Variants in MDC1 observed in about 807,000 individuals in gnomAD.
MDC1 encodes the protein mediator of DNA damage checkpoint 1.
MDC1 carries 81 observed loss-of-function variants against 142.5 expected under a neutral mutation model. The observed-to-expected ratio is 0.57, with a 90% CI of 0.47 to 0.68. The LOEUF (loss-of-function observed/expected upper bound fraction) is 0.68. Ranked by LOEUF, MDC1 falls within the 30% of genes least tolerant of loss-of-function variation. MDC1 has a pLI of 0.00. For synonymous variants in MDC1, 797 were observed against 968.4 expected (o/e 0.82, Z 3.29); for missense variants, 2,119 against 2,547.9 (o/e 0.83, Z 3.62).
At position 30,713,056 on chromosome 6, in the gene MDC1, CAGG is replaced by C. The variant is rs746742180; in HGVS notation, c.883_885del (p.Pro295del). ...TCCACATCTGTGTCACTGTCCTCTC[CAGG>C]AGGTTGGCTCCTCTCCAGAATCACC... On this transcript the variant is annotated inframe_deletion, in exon 5 of 15. Transcript: ENST00000376406. This position sits in a 1 kb window ranked among gnomAD's most constrained non-coding sequence, Gnocchi z 4.9. 33 of 1,612,890 alleles carry C rather than the reference CAGG, an allele frequency of 2.0e-5. No individual in the cohort carries two copies. In the African/African-American group the frequency reaches 4.3e-4, roughly 21 times the overall value.
intron 14 of MDC1, among the ~76,000 whole-genome samples, chr6:30,701,123 C>A (rs951604964): frequency 6.6e-6 from 1 of 150,998 alleles, no homozygotes; most frequent in African/African-American, 2.4e-5. Context: ...TTGCTAGAGG[C>A]CAGGCACAGT....
Position 30,713,787 on chromosome 6 carries a change from C to T in MDC1, c.517+16G>A. On this transcript the variant is annotated intron_variant, in intron 3 of 14. Transcript: ENST00000376406. This position sits in a 1 kb window ranked among gnomAD's most constrained non-coding sequence, Gnocchi z 4.9. ...ATTCCTGTCTCCTCATTCTCCCTGC[C>T]AATATACAAACTTACCTACTTCCTC... is the stretch of plus-strand genomic sequence containing the variant. 6.2e-7 allele frequency: 1 copy of T among 1,613,672 alleles called. No individual in the cohort carries two copies. Among genetic ancestry groups the T allele is most frequent in the South Asian group, 1.1e-5 (1 of 91,074 alleles).
rs1214874391 is a variant in MDC1, at chr6:30,715,363, G to A, written c.-3-185C>T. Among the ~76,000 whole-genome samples the A allele has an allele frequency of 6.6e-6, 1 of 152,104 alleles. No individual in the cohort carries two copies. The highest frequency in any genetic ancestry group is 2.4e-5 in the African/African-American group (1 of 41,418). On this transcript the variant is annotated intron_variant, in intron 1 of 14. Transcript: ENST00000376406. The surrounding 1 kb of genome is among the most constrained non-coding windows in gnomAD (Gnocchi z 4.1). ...ACATTTTTTTCTTTTTTGTGATGGA[G>A]TCTCGTTCTGCTCCCCAGGCTGGCA...
rs1476258988 is a variant in MDC1, at chr6:30,703,463, G to A, written c.5637C>T (p.Arg1879=). 1.9e-6 allele frequency: 3 copies of A among 1,613,974 alleles called. No homozygotes were observed. In the East Asian group the frequency reaches 6.7e-5, roughly 36 times the overall value. The change falls in exon 11 of 15, where the codon CGC becomes CGT. Residue 1879 remains arginine, a synonymous_variant. Transcript: ENST00000376406. The surrounding 1 kb of genome is among the most constrained non-coding windows in gnomAD (Gnocchi z 4.4). ...GGTTAAGTTTGGTCCGTCGGAGGCT[G>A]CGGCTTGGTATTCTGTTGGGCTCCT... ...AEEEPNRIPS[R]SLRRTKLNQE...
rs1214651767 is a variant in MDC1, at chr6:30,700,157, C to A, written c.*308G>T. On this transcript the variant is annotated 3_prime_UTR_variant, in exon 15 of 15. Transcript: ENST00000376406. ...CCACTTATGACATCTGAGCATGAAA[C>A]TAGCTAATTTTAAAATGGCCATTTA... 5 of 281,952 alleles carry A rather than the reference C, an allele frequency of 1.8e-5. No homozygotes were observed. The highest frequency in any genetic ancestry group is 2.0e-5 in the Non-Finnish European group (3 of 151,672). 17.5% of individuals were successfully genotyped at this position (281,952 alleles called of 1,614,324 possible).
chr6:30,706,778 C>T (rs1333667267), intron 9 of MDC1, among the ~76,000 whole-genome samples: 2 of 151,584 alleles, frequency 1.3e-5, no homozygotes, highest in African/African-American at 4.9e-5. Flanking sequence ...GCCTGGGTGA[C>T]AGAGTGAGAC....
Position 30,705,689 on chromosome 6 carries a change from G to A in MDC1, c.3494C>T (p.Ala1165Val). The A allele has an allele frequency of 6.2e-7, 1 of 1,612,748 alleles. No homozygotes were observed. Among genetic ancestry groups the A allele is most frequent in the South Asian group, 1.1e-5 (1 of 90,990 alleles). ...VKTPEPVVPT[A>V]PELQPSTSTD... ...GGAGGTGGAAGGCTGGAGCTCAGGG[G>A]CTGTGGGGACAACTGGTTCAGGGGT... Residue 1165 changes from alanine (A) to valine (V), a missense_variant, in exon 10 of 15, where the codon GCC becomes GTC. Physicochemically the swap from Ala to Val is moderately conservative, Grantham distance 64. Coordinates refer to ENST00000376406, the MANE Select transcript of MDC1 (RefSeq NM_014641.3).
intron 7 of MDC1, among the ~76,000 whole-genome samples, chr6:30,710,596 C>T (rs1365955788): frequency 1.3e-5 from 2 of 152,118 alleles, no homozygotes; most frequent in African/African-American, 4.8e-5. Flanking sequence ...GGGGTTTCTC[C>T]ATGTTGGTCA....
In MDC1 at chr6:30,712,961, G is replaced by C; in HGVS notation, c.981C>G (p.Ile327Met). 1 of 1,612,968 alleles carries C rather than the reference G, an allele frequency of 6.2e-7. No homozygotes were observed. Among genetic ancestry groups the C allele is most frequent in the South Asian group, 1.1e-5 (1 of 91,074 alleles). The stretch of plus-strand genomic sequence containing the variant: ...CTTCTTCCGCATCAGTGTCGCTGTC[G>C]ATGAAGCCAAAAGGCTGAGCCCTTT... ...HLERAQPFGF[I>M]DSDTDAEEER... Residue 327 changes from isoleucine (I) to methionine (M), a missense_variant, in exon 5 of 15, where the codon ATC becomes ATG. By Grantham distance (10) the Ile-to-Met change is conservative. Coordinates refer to ENST00000376406, the MANE Select transcript of MDC1 (RefSeq NM_014641.3). The surrounding 1 kb of genome is among the most constrained non-coding windows in gnomAD (Gnocchi z 4.7).
chr6:30,709,405 T>C lies in MDC1; in HGVS notation c.2222-1048A>G, dbSNP rs1774473290. On this transcript the variant is annotated intron_variant, in intron 7 of 14. Coordinates refer to ENST00000376406, the MANE Select transcript of MDC1 (RefSeq NM_014641.3). The surrounding 1 kb of genome is among the most constrained non-coding windows in gnomAD (Gnocchi z 4.2). The stretch of plus-strand genomic sequence containing the variant: ...TTTCTTCATTGACACATAATAATTG[T>C]ACATATTTATGGGGTACCTGTGCTA... Among the ~76,000 whole-genome samples, 1 of 152,228 alleles carries C rather than the reference T, an allele frequency of 6.6e-6. No homozygotes were observed. The highest frequency in any genetic ancestry group is 1.5e-5 in the Non-Finnish European group (1 of 68,046).
Position 30,703,906 on chromosome 6 carries a change from T to A in MDC1, c.5277A>T (p.Gly1759=). The A allele has an allele frequency of 6.2e-7, 1 of 1,614,126 alleles. No individual in the cohort carries two copies. Among genetic ancestry groups the A allele is most frequent in the Non-Finnish European group, 8.5e-7 (1 of 1,180,004 alleles). The change falls in exon 10 of 15, where the codon GGA becomes GGT. Residue 1759 remains glycine (G), a synonymous_variant. Transcript: ENST00000376406. This position sits in a 1 kb window ranked among gnomAD's most constrained non-coding sequence, Gnocchi z 4.4. ...KSQASRNQRW[G]AVRAAESLTA... is the part of the protein sequence containing the mutation. Reference sequence around the variant, plus strand: ...TAAGGGATTCAGCTGCTCTCACTGCTCCCCATCTTTGGTTCCTTGAGGCCT... The same window carrying A: ...TAAGGGATTCAGCTGCTCTCACTGCACCCCATCTTTGGTTCCTTGAGGCCT...
intron 7 of MDC1, among the ~76,000 whole-genome samples, chr6:30,708,638 G>A (rs1289731246): frequency 6.6e-6 from 1 of 152,072 alleles, no homozygotes; most frequent in East Asian, 1.9e-4. Flanking sequence ...AGGATTGCTT[G>A]AGGCCAGGAG....
At chr6:30,706,225 G>A (rs1306084582) in intron 9 of MDC1, 127 bp from the exon 10 acceptor site, 9 of 809,246 alleles carry the variant, frequency 1.1e-5, no homozygotes, top group East Asian at 5.4e-5. Flanking sequence ...GGTGGCTCAC[G>A]GCTATAATCC....
intron 9 of MDC1, 30 bp downstream of exon 9, chr6:30,707,354 G>A (rs371625214): frequency 1.7e-5 from 28 of 1,602,422 alleles, no homozygotes; most frequent in African/African-American, 9.4e-5. Flanking sequence ...GATGACTTGT[G>A]GAATAGGAGG....
At position 30,715,582 on chromosome 6, in the gene MDC1, G is replaced by C. The variant is rs965058186; in HGVS notation, c.-3-404C>G. Among the ~76,000 whole-genome samples the C allele has an allele frequency of 6.6e-6, 1 of 152,122 alleles. No individual in the cohort carries two copies. The highest frequency in any genetic ancestry group is 2.4e-5 in the African/African-American group (1 of 41,414). ...TCGAACTCTTGACCTTGGGTGATCCGCCCACCTTGGCCTCCCAAAGTGCTG... is the reference window on the plus strand; with the variant it reads ...TCGAACTCTTGACCTTGGGTGATCCCCCCACCTTGGCCTCCCAAAGTGCTG... On this transcript the variant is annotated intron_variant, in intron 1 of 14. Coordinates refer to ENST00000376406, the MANE Select transcript of MDC1 (RefSeq NM_014641.3). This position sits in a 1 kb window ranked among gnomAD's most constrained non-coding sequence, Gnocchi z 4.1.
At position 30,709,554 on chromosome 6, in the gene MDC1, C is replaced by T. The variant is rs1347684227; in HGVS notation, c.2222-1197G>A. On this transcript the variant is annotated intron_variant, in intron 7 of 14. Coordinates refer to ENST00000376406, the MANE Select transcript of MDC1 (RefSeq NM_014641.3). The surrounding 1 kb of genome is among the most constrained non-coding windows in gnomAD (Gnocchi z 4.2). ...AATCTCTTCTAGCTATTTTGAAATA[C>T]ACAATAAATTATTAACTATAGTAAC... 3.9e-5 allele frequency among the ~76,000 whole-genome samples: 6 copies of T among 152,190 alleles called. No individual in the cohort carries two copies. The highest frequency in any genetic ancestry group is 8.8e-5 in the Non-Finnish European group (6 of 68,034).
chr6:30,704,517 T>C lies in MDC1; in HGVS notation c.4666A>G (p.Thr1556Ala). ...GAGGACCTATTTGTCCTGCCCCTAG[T>C]GGCCCGAGATGTGGGCTCAGGGGTG... ...PVTPEPTSRATRGRTNRSSVK... is the reference protein window; with the variant it reads ...PVTPEPTSRAARGRTNRSSVK... Residue 1556 changes from threonine to alanine, a missense_variant, in exon 10 of 15, where the codon ACT becomes GCT. Physicochemically the swap from Thr to Ala is moderately conservative, Grantham distance 58. Coordinates refer to ENST00000376406, the MANE Select transcript of MDC1 (RefSeq NM_014641.3). The C allele has an allele frequency of 6.2e-7, 1 of 1,612,120 alleles. No homozygotes were observed. Among genetic ancestry groups the C allele is most frequent in the Non-Finnish European group, 8.5e-7 (1 of 1,179,176 alleles).
intron 7 of MDC1, among the ~76,000 whole-genome samples, chr6:30,710,316 T>C (rs538008965): frequency 6.6e-6 from 1 of 152,172 alleles, no homozygotes; most frequent in East Asian, 1.9e-4. Flanking sequence ...CTCAAACTCC[T>C]GACCTCATGT....
intron 8 of MDC1, 24 bp downstream of exon 8, chr6:30,707,541 TG>T: frequency 6.2e-7 from 1 of 1,612,832 alleles, no homozygotes; most frequent in Non-Finnish European, 8.5e-7. Context: ...TGTATCACCT[TG>T]GGTTCCCCTC....
Sources: allele counts gnomAD v4.1 joint callset (sites outside exome capture counted in the v4.1 genomes callset), GRCh38; gene constraint gnomAD v4.1.1; non-coding constraint Gnocchi (gnomAD v3.1); transcripts MANE v1.5; gene names NCBI Gene and HGNC (gene_info 2026-07-23, HGNC 2026-07-21).